The following HOMER1 variants were observed in gnomAD, a reference collection of about 807,000 sequenced individuals.
HOMER1 encodes the protein homer protein homolog 1.
A neutral mutation model predicts 48.9 loss-of-function variants in HOMER1; 3 were observed. The observed-to-expected ratio is 0.06, with a 90% CI of 0.03 to 0.16. The LOEUF (loss-of-function observed/expected upper bound fraction) is 0.16. HOMER1 is among the 10% of genes least tolerant of loss of function. The pLI is 1.00. For synonymous variants in HOMER1, 134 were observed against 146.4 expected (o/e 0.92, Z 0.61); for missense variants, 247 against 411.4 (o/e 0.60, Z 3.46).
chr5:79,404,728 G>A (rs892629799), intron 5 of HOMER1, among the ~76,000 whole-genome samples: 18 of 151,974 alleles, frequency 1.2e-4, no homozygotes, highest in African/African-American at 4.4e-4. Flanking sequence ...CTTTGAGATG[G>A]AGTTTCGCTC....
At chr5:79,493,879 G>C (rs967540149) in intron 1 of HOMER1, among the ~76,000 whole-genome samples, 1 of 152,208 alleles carries the variant, frequency 6.6e-6, no homozygotes, top group East Asian at 1.9e-4. Flanking sequence ...TAAAGGAGAA[G>C]CAGACACATT....
intron 5 of HOMER1, among the ~76,000 whole-genome samples, chr5:79,430,441 A>G (rs1189756136): frequency 6.6e-6 from 1 of 152,256 alleles, no homozygotes; most frequent in Non-Finnish European, 1.5e-5. Context: ...AAAATGGCAC[A>G]GCTGCTTTGC....
At chr5:79,434,556 G>T (rs1750519108) in intron 5 of HOMER1, among the ~76,000 whole-genome samples, 2 of 151,964 alleles carry the variant, frequency 1.3e-5, no homozygotes. Flanking sequence ...TATCATTTAG[G>T]TTAAAAAATG....
chr5:79,494,127 C>T (rs1752359288), intron 1 of HOMER1, among the ~76,000 whole-genome samples: 1 of 152,152 alleles, frequency 6.6e-6, no homozygotes, highest in Admixed American at 6.5e-5. Flanking sequence ...TTCTCAGCTG[C>T]CCCTTAAATG....
At chr5:79,376,294 G>A in intron 8 of HOMER1, 97 bp from the exon 9 acceptor site, 1 of 865,004 alleles carries the variant, frequency 1.2e-6, no homozygotes, top group East Asian at 2.6e-5. Context: ...AATCAATGCA[G>A]TTTGACTGTC....
chr5:79,446,473 C>T lies in HOMER1; in HGVS notation c.387+580G>A, dbSNP rs533752415. Among the ~76,000 whole-genome samples the T allele has an allele frequency of 4.6e-5, 7 of 152,298 alleles. No individual in the cohort carries two copies. In the South Asian group the frequency reaches 1.5e-3, roughly 32 times the overall value. ...TTTCCTATGACTCCCCTTGTGGTTACATTTGACTATCACATGATCTTTATG... is the reference window on the plus strand; with the variant it reads ...TTTCCTATGACTCCCCTTGTGGTTATATTTGACTATCACATGATCTTTATG... On this transcript the variant is annotated intron_variant, in intron 4 of 8. Transcript: ENST00000334082.
intron 1 of HOMER1, among the ~76,000 whole-genome samples, chr5:79,497,480 T>C (rs1451850523): frequency 6.6e-6 from 1 of 151,562 alleles, no homozygotes; most frequent in Admixed American, 6.6e-5. Context: ...CAAAACCCCG[T>C]CTCTACTAAA....
At chr5:79,510,946 A>G (rs954630970) in intron 1 of HOMER1, 17 of 538,252 alleles carry the variant, frequency 3.2e-5, no homozygotes, top group Non-Finnish European at 5.3e-5. Flanking sequence ...ACCCCCCGCC[A>G]GGCTGCCATC....
rs1032698425 is a variant in HOMER1, at chr5:79,373,989, T to C, written c.*2020A>G. On this transcript the variant is annotated 3_prime_UTR_variant, in exon 9 of 9. Coordinates refer to ENST00000334082, the MANE Select transcript of HOMER1 (RefSeq NM_004272.5). ...CAAAATTTAAAAATATTTTATTACA[T>C]CATTAAAATAATTCACTTGCCATTT... 10 of 151,998 alleles carry C rather than the reference T, an allele frequency of 6.6e-5. No homozygotes were observed. Among genetic ancestry groups the C allele is most frequent in the Admixed American group, 2.0e-4 (3 of 15,254 alleles). 9.4% of individuals were successfully genotyped at this position (151,998 alleles called of 1,614,324 possible). A position where few individuals can be genotyped will look rare whatever the true frequency, so the allele number is the denominator to read the frequency against.
At chr5:79,400,532 T>G (rs1749507949) in intron 6 of HOMER1, among the ~76,000 whole-genome samples, 1 of 151,418 alleles carries the variant, frequency 6.6e-6, no homozygotes, top group African/African-American at 2.4e-5. Context: ...AATTTTTGTA[T>G]TTTTAGTGGA....
intron 1 of HOMER1, among the ~76,000 whole-genome samples, chr5:79,504,142 C>T (rs904248319): frequency 6.6e-6 from 1 of 151,786 alleles, no homozygotes; most frequent in African/African-American, 2.4e-5. Context: ...CAGCAGCCTG[C>T]GAGATCTAGA....
chr5:79,447,304 G>A lies in HOMER1; in HGVS notation c.295-159C>T, dbSNP rs143246071. Among the ~76,000 whole-genome samples the A allele has an allele frequency of 3.9e-3, 598 of 152,274 alleles. 3 individuals are homozygous for A. Among genetic ancestry groups the A allele is most frequent in the African/African-American group, 0.013 (554 of 41,556 alleles). On this transcript the variant is annotated intron_variant, in intron 3 of 8. Transcript: ENST00000334082. ...TTCTAATATGAAAATGACAGGAAAT[G>A]AAACCTAATTCCAAACAGTTGTCTG... is the stretch of plus-strand genomic sequence containing the variant.
chr5:79,492,907 C>A (rs1192034014), intron 1 of HOMER1, among the ~76,000 whole-genome samples: 1 of 84,028 alleles, frequency 1.2e-5, no homozygotes, highest in Non-Finnish European at 2.3e-5. Context: ...AAAACTTTGT[C>A]TTTTTTTTTT....
At chr5:79,456,315 A>G (rs1751176102) in intron 2 of HOMER1, among the ~76,000 whole-genome samples, 1 of 152,032 alleles carries the variant, frequency 6.6e-6, no homozygotes, top group Non-Finnish European at 1.5e-5. Context: ...AAGAGAAAAC[A>G]CTCAGTAGAT....
At chr5:79,505,315 G>C (rs775487136) in intron 1 of HOMER1, among the ~76,000 whole-genome samples, 8 of 152,092 alleles carry the variant, frequency 5.3e-5, no homozygotes, top group Non-Finnish European at 1.2e-4. Context: ...TCTATGGAAA[G>C]GGGGGGAATC....
At chr5:79,439,182 T>C (rs775257807) in intron 4 of HOMER1, 33 bp from the exon 5 acceptor site, 1 of 1,610,556 alleles carries the variant, frequency 6.2e-7, no homozygotes. Context: ...TAAAAAATAG[T>C]TACACTTTTG....
At chr5:79,489,681 C>CT (rs1321536049) in intron 1 of HOMER1, among the ~76,000 whole-genome samples, 1 of 152,164 alleles carries the variant, frequency 6.6e-6, no homozygotes, top group Admixed American at 6.5e-5. Context: ...CTCTAAGGTT[C>CT]TTTCCTTCAT....
intron 1 of HOMER1, among the ~76,000 whole-genome samples, chr5:79,498,851 T>C (rs2112369521): frequency 6.6e-6 from 1 of 151,404 alleles, no homozygotes; most frequent in African/African-American, 2.4e-5. Context: ...TTTTTTTTTT[T>C]TCAGACAGAG....
chr5:79,425,908 T>C (rs1305664542), intron 5 of HOMER1, among the ~76,000 whole-genome samples: 1 of 152,092 alleles, frequency 6.6e-6, no homozygotes, highest in Non-Finnish European at 1.5e-5. Context: ...AGACCAAATA[T>C]GCTTTCTGAA....
Sources: gnomAD v4.1 joint callset for allele counts (sites outside exome capture counted in the v4.1 genomes callset) on GRCh38, gnomAD v4.1.1 for gene constraint, MANE v1.5 for transcripts, NCBI Gene and HGNC (gene_info 2026-07-23, HGNC 2026-07-21) for gene names.